B4GALNT1: variants seen among roughly 807,000 people sequenced by gnomAD.
The protein encoded by B4GALNT1 is beta-1,4-N-acetyl-galactosaminyltransferase 1, also known as beta-1,4 N-acetylgalactosaminyltransferase 1.
B4GALNT1 carries 43 observed loss-of-function variants against 55.2 expected under a neutral mutation model. The observed-to-expected ratio is 0.78, with a 90% confidence interval of 0.61 to 1.00. The LOEUF (loss-of-function observed/expected upper bound fraction) is 1.00, where lower values mean the gene tolerates loss of function less well. Ranked by LOEUF, B4GALNT1 falls within the 50% of genes least tolerant of loss-of-function variation. B4GALNT1 has a pLI of 0.00. For missense variants in B4GALNT1, 664 were observed against 729.7 expected, an observed-to-expected ratio of 0.91 and a Z score of 1.04; for synonymous variants, 305 against 311.6, an observed-to-expected ratio of 0.98 and a Z score of 0.22.
rs1215334712 is a variant in B4GALNT1 at position 57,626,709 on chromosome 12, G to T, written c.*35C>A. 6.2e-7 allele frequency: 1 copy of T among 1,611,616 alleles called. No homozygotes were observed. The highest frequency in any genetic ancestry group is 8.5e-7 in the Non-Finnish European group (1 of 1,178,088). On this transcript the variant is annotated 3_prime_UTR_variant, in exon 11 of 11. Transcript: ENST00000341156. The stretch of plus-strand genomic sequence containing the variant: ...ATTCCTGGCAGGGACAAGGAGGCAG[G>T]CCCAGCCTGACAGTCAGAAATCCCC...
chr12:57,627,535 A>T, intron 10 of B4GALNT1, 83 bp downstream of exon 10: 9 of 1,476,576 alleles, frequency 6.1e-6, no homozygotes, highest in Non-Finnish European at 8.1e-6. Context: ...GCGCGGGTGC[A>T]GCCTAGGAGG....
In B4GALNT1 at chr12:57,627,858, C is replaced by G; in HGVS notation, c.1144G>C (p.Val382Leu). 6.3e-7 allele frequency: 1 copy of G among 1,578,822 alleles called. No individual in the cohort carries two copies. Among genetic ancestry groups the G allele is most frequent in the Non-Finnish European group, 8.6e-7 (1 of 1,161,510 alleles). Residue 382 changes from valine to leucine, a missense_variant and splice_region_variant, in exon 10 of 11, where the codon GTG (valine) becomes CTG (leucine). Coordinates refer to ENST00000341156, the MANE Select transcript of B4GALNT1 (RefSeq NM_001478.5). Reference protein sequence around the residue: ...DVLERTPLDLVGGAVREISGF... With the variant: ...DVLERTPLDLLGGAVREISGF... The stretch of plus-strand genomic sequence containing the variant: ...GAGATCTCGCGCACCGCGCCCCCCA[C>G]CTGCAGGGAGAGGGAGGTTGCCTCC...
intron 4 of B4GALNT1, 111 bp downstream of exon 4, chr12:57,630,869 A>G: frequency 9.2e-7 from 1 of 1,085,320 alleles, no homozygotes; most frequent in East Asian, 2.6e-5. Context: ...TCCCCCATTC[A>G]TCAGAGGTTC....
chr12:57,626,902 C>G lies in B4GALNT1; in HGVS notation c.1444G>C (p.Asp482His). The G allele has an allele frequency of 6.2e-7, 1 of 1,614,202 alleles. No individual in the cohort carries two copies. The highest frequency in any genetic ancestry group is 8.5e-7 in the Non-Finnish European group (1 of 1,180,028). ...RVGSCSDVVVDHASKLKLPWT... is the reference protein window; with the variant it reads ...RVGSCSDVVVHHASKLKLPWT... ...GGCAGCTTCAGTTTGGATGCATGAT[C>G]CACCACGACGTCGGAGCAGGAGCCA... Residue 482 changes from aspartate (D) to histidine (H), a missense_variant, in exon 11 of 11, where the codon GAT becomes CAT. Asp to His is a moderately conservative substitution (Grantham distance 81, BLOSUM62 -1). Transcript: ENST00000341156.
rs963476511 is a variant in B4GALNT1 at position 57,625,052 on chromosome 12, G to T, written c.*1692C>A. 1.2e-6 allele frequency: 2 copies of T among 1,613,296 alleles called. No homozygotes were observed. Among genetic ancestry groups the T allele is most frequent in the Non-Finnish European group, 1.7e-6 (2 of 1,179,232 alleles). On this transcript the variant is annotated 3_prime_UTR_variant, in exon 11 of 11. Coordinates refer to ENST00000341156, the MANE Select transcript of B4GALNT1 (RefSeq NM_001478.5). ...GGAGGCAGGTGGGTGTTCTGAGGGG[G>T]ATCCTTGTGCTCAAGGGGTGCATGT...
At chr12:57,631,884 G>A (rs963945075) in intron 2 of B4GALNT1, 31 bp downstream of exon 2, 75 of 1,365,840 alleles carry the variant, frequency 5.5e-5, no homozygotes, top group Admixed American at 7.1e-5. Flanking sequence ...CCCAGCGAGC[G>A]CTGCGCTGCG....
chr12:57,629,027 C>T, intron 7 of B4GALNT1, 21 bp downstream of exon 7: 1 of 1,584,446 alleles, frequency 6.3e-7, no homozygotes, highest in Non-Finnish European at 8.6e-7. Context: ...TCTAATATGT[C>T]CCTGCCCCTA....
chr12:57,632,237 G>C lies in B4GALNT1; in HGVS notation c.-1-104C>G, dbSNP rs1253944093. On this transcript the variant is annotated intron_variant, in intron 1 of 10. Coordinates refer to ENST00000341156, the MANE Select transcript of B4GALNT1 (RefSeq NM_001478.5). ...CTCAGAGGCTCCTGCCGGCTCCCAA[G>C]AGCGCTCTCCACTCCACACATCGCG... The C allele has an allele frequency of 2.6e-6, 3 of 1,152,572 alleles. No individual in the cohort carries two copies. The Admixed American group carries it at 5.9e-5, about 23-fold the overall frequency. The allele number at this position is 1,152,572 out of a possible 1,614,324, so 71.4% of individuals were successfully genotyped here. A position where few individuals can be genotyped will look rare whatever the true frequency, so the allele number is the denominator to read the frequency against.
Position 57,625,222 on chromosome 12 carries a change from T to C in B4GALNT1, c.*1522A>G. On this transcript the variant is annotated 3_prime_UTR_variant, in exon 11 of 11. Coordinates refer to ENST00000341156, the MANE Select transcript of B4GALNT1 (RefSeq NM_001478.5). ...ATGGTGACACCTGGGTACTCCTGTCTTCTCCCATTCTAGTTGCTGAGCCTG... is the reference window on the plus strand; with the variant it reads ...ATGGTGACACCTGGGTACTCCTGTCCTCTCCCATTCTAGTTGCTGAGCCTG... 6.2e-7 allele frequency: 1 copy of C among 1,614,128 alleles called. No individual in the cohort carries two copies. Among genetic ancestry groups the C allele is most frequent in the Non-Finnish European group, 8.5e-7 (1 of 1,180,002 alleles).
At position 57,625,533 on chromosome 12, in the gene B4GALNT1, G is replaced by C; in HGVS notation, c.*1211C>G. ...ACTGGACACCTGCGGTAGGGAAAAG[G>C]ACCCGGTGTGGACTTAGGGTCTCAG... On this transcript the variant is annotated 3_prime_UTR_variant, in exon 11 of 11. Transcript: ENST00000341156. The C allele has an allele frequency of 6.2e-7, 1 of 1,613,162 alleles. No homozygotes were observed. The highest frequency in any genetic ancestry group is 8.5e-7 in the Non-Finnish European group (1 of 1,179,356).
rs758816214 is a variant in B4GALNT1, at chr12:57,625,286, GC to G, written c.*1457del. 6.2e-7 allele frequency: 1 copy of G among 1,614,000 alleles called. No homozygotes were observed. Among genetic ancestry groups the G allele is most frequent in the Admixed American group, 1.7e-5 (1 of 60,000 alleles). ...CCTAGACTTCAGTGGTGTCACCTTT[GC>G]AGATGCTGCTGGGGCCAGAGAAGTG... On this transcript the variant is annotated 3_prime_UTR_variant, in exon 11 of 11. Coordinates refer to ENST00000341156, the MANE Select transcript of B4GALNT1 (RefSeq NM_001478.5).
rs756397561 is a variant in B4GALNT1, at chr12:57,624,849, A to G, written c.*1895T>C. On this transcript the variant is annotated 3_prime_UTR_variant, in exon 11 of 11. Transcript: ENST00000341156. ...AAGATTAGCCCCAGACATTTCTCTG[A>G]TCCTTTGACCTCTTAGCTCCTCCAG... is the stretch of plus-strand genomic sequence containing the variant. 5.6e-6 allele frequency: 9 copies of G among 1,611,166 alleles called. 2 individuals carry two copies. The highest frequency in any genetic ancestry group is 3.3e-4 in the Middle Eastern group (2 of 6,054).
At chr12:57,627,559 C>G (rs780112557) in intron 10 of B4GALNT1, 59 bp downstream of exon 10, 2 of 1,524,682 alleles carry the variant, frequency 1.3e-6, no homozygotes, top group Non-Finnish European at 1.8e-6. Flanking sequence ...GGCGCGTGAC[C>G]GTGCGCCAGC....
intron 1 of B4GALNT1, 85 bp from the exon 2 acceptor site, chr12:57,632,218 G>T: frequency 1.5e-6 from 2 of 1,293,458 alleles, no homozygotes; most frequent in Non-Finnish European, 2.2e-6. Context: ...CGTCCTCAGA[G>T]GCTCCTGCCG....
Position 57,631,238 on chromosome 12 carries a change from A to C in B4GALNT1, c.345T>G (p.Ser115=). ...AFDPAELRAA[S]ATREQEFQAF... The stretch of plus-strand genomic sequence containing the variant: ...CCTGGAACTCCTGCTCTCTTGTGGC[A>C]GAGGCAGCCCTCAGCTCTGCAGGGT... The change falls in exon 3 of 11, where the codon TCT becomes TCG. Residue 115 remains serine (S), a synonymous_variant. Coordinates refer to ENST00000341156, the MANE Select transcript of B4GALNT1 (RefSeq NM_001478.5). 6.2e-7 allele frequency: 1 copy of C among 1,614,180 alleles called. No homozygotes were observed.
At position 57,624,641 on chromosome 12, in the gene B4GALNT1, C is replaced by T; in HGVS notation, c.*2103G>A. On this transcript the variant is annotated 3_prime_UTR_variant, in exon 11 of 11. Transcript: ENST00000341156. ...GAGATGAGTGGAGTTGAGGTCGGGG[C>T]AGGGGAAGAGAATGAGGTGCTTGGG... 1.4e-6 allele frequency: 1 copy of T among 719,326 alleles called. No individual in the cohort carries two copies. Among genetic ancestry groups the T allele is most frequent in the Non-Finnish European group, 2.6e-6 (1 of 382,276 alleles). 44.6% of individuals were successfully genotyped at this position (719,326 alleles called of 1,614,324 possible).
rs1386333704 is a variant in B4GALNT1 at position 57,624,109 on chromosome 12, C to T, written c.*2635G>A. On this transcript the variant is annotated 3_prime_UTR_variant, in exon 11 of 11. Coordinates refer to ENST00000341156, the MANE Select transcript of B4GALNT1 (RefSeq NM_001478.5). ...AGCCGAGTGGACTTTGTGAGAAATG[C>T]CATTACCCCCAGATTGCCCCCTCTC... 1 of 1,613,180 alleles carries T rather than the reference C, an allele frequency of 6.2e-7. No homozygotes were observed. The highest frequency in any genetic ancestry group is 8.5e-7 in the Non-Finnish European group (1 of 1,179,396).
Position 57,626,467 on chromosome 12 carries a change from T to TC in B4GALNT1, c.*276dup. 1 of 492,636 alleles carries TC rather than the reference T, an allele frequency of 2.0e-6. No homozygotes were observed. The allele number at this position is 492,636 out of a possible 1,614,324, so 30.5% of individuals were successfully genotyped here. A position where few individuals can be genotyped will look rare whatever the true frequency, so the allele number is the denominator to read the frequency against. ...GGGCTCTTTGGCACTTGGAAAGTGATCCCCCCATTTCCTGCCCCATGAGAA... is the reference window on the plus strand; with the variant it reads ...GGGCTCTTTGGCACTTGGAAAGTGATCCCCCCCATTTCCTGCCCCATGAGAA... On this transcript the variant is annotated 3_prime_UTR_variant, in exon 11 of 11. Transcript: ENST00000341156.
rs1259590001 is a variant in B4GALNT1 at position 57,624,457 on chromosome 12, T to A, written c.*2287A>T. The A allele has an allele frequency of 3.3e-6, 2 of 599,808 alleles. No individual in the cohort carries two copies. The highest frequency in any genetic ancestry group is 2.1e-5 in the Admixed American group (1 of 47,728). 37.2% of individuals were successfully genotyped at this position (599,808 alleles called of 1,614,324 possible). A position where few individuals can be genotyped will look rare whatever the true frequency, so the allele number is the denominator to read the frequency against. ...ATCTCTTTACCCAGCAGTGATGGCC[T>A]GGCTTTTCTTTTGGGCAATCCACCC... On this transcript the variant is annotated 3_prime_UTR_variant, in exon 11 of 11. Transcript: ENST00000341156.
Sources: allele counts gnomAD v4.1 joint callset, GRCh38; gene constraint gnomAD v4.1.1; transcripts MANE v1.5; gene names NCBI Gene and HGNC (gene_info 2026-07-23, HGNC 2026-07-21).